Variants in MRPS5 observed in about 807,000 individuals in gnomAD.
The protein encoded by MRPS5 is mitochondrial ribosomal protein S5, also known as small ribosomal subunit protein uS5m.
MRPS5 carries 27 observed loss-of-function variants against 51.9 expected under a neutral mutation model. That is an observed-to-expected ratio of 0.52 (90% confidence interval 0.38 to 0.72). The LOEUF (loss-of-function observed/expected upper bound fraction) is 0.72, where lower values mean the gene tolerates loss of function less well. Ranked by LOEUF, MRPS5 falls within the 30% of genes least tolerant of loss-of-function variation. MRPS5 has a pLI of 0.00. For synonymous variants in MRPS5, 196 were observed against 193.2 expected (o/e 1.01, Z -0.12); for missense variants, 570 against 545.7 (o/e 1.04, Z -0.44).
intron 10 of MRPS5, chr2:95,093,428 T>G (rs1018517544): frequency 1.3e-5 from 2 of 152,398 alleles, no homozygotes; most frequent in Non-Finnish European, 2.9e-5. Context: ...GACCCCCGTG[T>G]AGCCTAACTG....
chr2:95,121,540 A>G (rs1248845256), intron 1 of MRPS5, among the ~76,000 whole-genome samples, 194 bp downstream of exon 1: 1 of 152,218 alleles, frequency 6.6e-6, no homozygotes. Context: ...TTTACAGACA[A>G]GAGCTCCGCG....
At chr2:95,109,877 C>G in intron 4 of MRPS5, 39 bp downstream of exon 4, 1 of 1,589,286 alleles carries the variant, frequency 6.3e-7, no homozygotes, top group Non-Finnish European at 8.5e-7. Context: ...GGGTAAGAAA[C>G]TTACAAAGCA....
chr2:95,104,325 T>C, intron 7 of MRPS5: 1 of 357,344 alleles, frequency 2.8e-6, no homozygotes. Flanking sequence ...ACTGTTTTTA[T>C]AACCATGGCC....
chr2:95,102,110 T>C (rs1161194725), intron 7 of MRPS5, among the ~76,000 whole-genome samples: 1 of 151,358 alleles, frequency 6.6e-6, no homozygotes, highest in Non-Finnish European at 1.5e-5. Context: ...CAGTGAGCTA[T>C]GACTGTGCCA....
intron 11 of MRPS5, among the ~76,000 whole-genome samples, chr2:95,088,019 A>C (rs947510104): frequency 1.5e-5 from 2 of 135,846 alleles, no homozygotes; most frequent in African/African-American, 5.4e-5. Context: ...CTCAACAAAA[A>C]ATCATAAGCG....
chr2:95,112,635 A>G (rs1249390508), intron 3 of MRPS5, among the ~76,000 whole-genome samples: 4 of 152,230 alleles, frequency 2.6e-5, no homozygotes, highest in Non-Finnish European at 2.9e-5. Context: ...AGCAAAAACT[A>G]GCCCCATGCT....
At chr2:95,093,858 A>G (rs1228296930) in intron 10 of MRPS5, among the ~76,000 whole-genome samples, 1 of 152,220 alleles carries the variant, frequency 6.6e-6, no homozygotes, top group Non-Finnish European at 1.5e-5. Flanking sequence ...CGCCAGCAAC[A>G]GAACAAAGCT....
At chr2:95,104,493 C>T in intron 7 of MRPS5, 147 bp downstream of exon 7, 2 of 779,642 alleles carry the variant, frequency 2.6e-6, no homozygotes, top group Middle Eastern at 2.3e-4. Flanking sequence ...GGACTTACCA[C>T]AAGCTTTGTG....
intron 4 of MRPS5, among the ~76,000 whole-genome samples, chr2:95,109,111 T>G (rs1201568215): frequency 6.6e-6 from 1 of 151,954 alleles, no homozygotes; most frequent in Non-Finnish European, 1.5e-5. Flanking sequence ...AGAAGAAGCA[T>G]CCAGGGGGAC....
intron 11 of MRPS5, among the ~76,000 whole-genome samples, chr2:95,089,212 C>G (rs371096269): frequency 1.3e-5 from 2 of 152,170 alleles, no homozygotes; most frequent in Non-Finnish European, 2.9e-5. Context: ...GACAGTAACA[C>G]ACACAAAAGC....
chr2:95,101,446 C>T (rs1435557717), intron 8 of MRPS5, among the ~76,000 whole-genome samples: 5 of 150,652 alleles, frequency 3.3e-5, no homozygotes, highest in South Asian at 2.1e-4. Context: ...AGTGTTCAAA[C>T]TTCCACAATT....
intron 3 of MRPS5, among the ~76,000 whole-genome samples, chr2:95,113,242 C>T (rs1184310334): frequency 5.3e-5 from 8 of 151,242 alleles, no homozygotes; most frequent in African/African-American, 9.7e-5. Flanking sequence ...TTTGGGAGGC[C>T]GAGGCGGGTG....
chr2:95,121,759 G>A lies in MRPS5; in HGVS notation c.33C>T (p.Leu11=), dbSNP rs756227117. The change falls in exon 1 of 12, where the codon CTC becomes CTT. Residue 11 remains leucine, a synonymous_variant. Transcript: ENST00000272418. The part of the protein sequence containing the change: MATAVRAVGC[L]PVLCSGTAGH... ...CTGCCGTCCCGCTACACAGCACGGG[G>A]AGGCAGCCCACAGCGCGCACCGCGG... 1.1e-4 allele frequency: 164 copies of A among 1,554,092 alleles called. No homozygotes were observed. Among genetic ancestry groups the A allele is most frequent in the Non-Finnish European group, 1.3e-4 (151 of 1,159,342 alleles).
intron 10 of MRPS5, chr2:95,092,485 C>T (rs889899485): frequency 6.6e-6 from 1 of 152,192 alleles, no homozygotes; most frequent in African/African-American, 2.4e-5. Context: ...GAACTAGTAA[C>T]ACATAGGCAC....
chr2:95,103,252 T>C (rs1675854627), intron 7 of MRPS5, among the ~76,000 whole-genome samples: 2 of 152,142 alleles, frequency 1.3e-5, no homozygotes, highest in African/African-American at 4.8e-5. Context: ...GCTTATACCA[T>C]TCAATAAGAA....
intron 10 of MRPS5, among the ~76,000 whole-genome samples, chr2:95,096,646 T>C (rs1394520770): frequency 6.6e-6 from 1 of 152,180 alleles, no homozygotes; most frequent in Non-Finnish European, 1.5e-5. Context: ...CAGCCCTTCA[T>C]GCTAAAAACT....
intron 3 of MRPS5, among the ~76,000 whole-genome samples, chr2:95,112,221 C>T (rs570516860): frequency 1.3e-5 from 2 of 152,154 alleles, no homozygotes; most frequent in South Asian, 2.1e-4. Flanking sequence ...CCTGCCACCA[C>T]GCCCAGCTAA....
chr2:95,099,526 T>C (rs182412892), intron 10 of MRPS5, among the ~76,000 whole-genome samples: 1 of 152,326 alleles, frequency 6.6e-6, no homozygotes, highest in African/African-American at 2.4e-5. Context: ...TCCTGGTGTG[T>C]ATTTGATAAT....
At chr2:95,098,384 T>C (rs1459521206) in intron 10 of MRPS5, among the ~76,000 whole-genome samples, 1 of 152,174 alleles carries the variant, frequency 6.6e-6, no homozygotes, top group African/African-American at 2.4e-5. Flanking sequence ...TAAAGACACA[T>C]GCACACATAT....
Sources: gnomAD v4.1 joint callset for allele counts (sites outside exome capture counted in the v4.1 genomes callset) on GRCh38, gnomAD v4.1.1 for gene constraint, MANE v1.5 for transcripts, NCBI Gene and HGNC (gene_info 2026-07-23, HGNC 2026-07-21) for gene names.